Variants in PPIL4 observed in about 807,000 individuals in gnomAD.
PPIL4 encodes peptidyl-prolyl cis-trans isomerase-like 4.
In PPIL4, 50 loss-of-function variants were observed where a neutral mutation model predicts 69.1. The observed-to-expected ratio is 0.72, with a 90% CI of 0.58 to 0.92. The LOEUF (loss-of-function observed/expected upper bound fraction) is 0.92, where lower values mean the gene tolerates loss of function less well. Among genes scored for constraint, PPIL4 ranks in the 40% least tolerant of loss-of-function variants. PPIL4 has a pLI of 0.00. For missense variants in PPIL4, 480 were observed against 587.9 expected, an observed-to-expected ratio of 0.82 and a Z score of 1.90; for synonymous variants, 193 against 191.6, an observed-to-expected ratio of 1.01 and a Z score of -0.06.
At chr6:149,512,511 TTAAAA>T (rs1435055876) in intron 11 of PPIL4, among the ~76,000 whole-genome samples, 1 of 151,978 alleles carries the variant, frequency 6.6e-6, no homozygotes, top group Non-Finnish European at 1.5e-5. Flanking sequence ...CTAAACAATC[TTAAAA>T]TAAAGACTAG....
At chr6:149,545,414 G>T (rs551074825) in intron 1 of PPIL4, among the ~76,000 whole-genome samples, 1 of 152,156 alleles carries the variant, frequency 6.6e-6, no homozygotes, top group African/African-American at 2.4e-5. Flanking sequence ...TCGGGGGCAA[G>T]AAGCCAAGCC....
Position 149,541,355 on chromosome 6 carries a change from A to AAAT in PPIL4, c.203+11_203+12insATT. The AAAT allele has an allele frequency of 8.4e-7, 1 of 1,196,352 alleles. No individual in the cohort carries two copies. Among genetic ancestry groups the AAAT allele is most frequent in the South Asian group, 2.6e-5 (1 of 38,904 alleles). 74.1% of individuals were successfully genotyped at this position (1,196,352 alleles called of 1,614,324 possible). A position where few individuals can be genotyped will look rare whatever the true frequency, so the allele number is the denominator to read the frequency against. On this transcript the variant is annotated intron_variant, in intron 3 of 12. Transcript: ENST00000253329. ...TAAATAAATAAATAAATAAATAAAT[A>AAAT]AAACAACTTACCCAAAGATAGACTC...
intron 5 of PPIL4, 72 bp from the exon 6 acceptor site, chr6:149,534,846 TA>T: frequency 3.4e-6 from 3 of 880,056 alleles, no homozygotes; most frequent in Middle Eastern, 2.9e-4. Flanking sequence ...TTTAATAGAT[TA>T]CAAAAAATTA....
chr6:149,518,920 TAAAGG>T (rs1471580375), intron 10 of PPIL4, among the ~76,000 whole-genome samples: 2 of 152,342 alleles, frequency 1.3e-5, no homozygotes, highest in South Asian at 2.1e-4. Flanking sequence ...CATCAGACTA[TAAAGG>T]AAAGTTCTTA....
chr6:149,511,804 C>T (rs543259959), intron 12 of PPIL4, among the ~76,000 whole-genome samples: 2 of 152,244 alleles, frequency 1.3e-5, no homozygotes, highest in Admixed American at 1.3e-4. Context: ...AAGTGCTATA[C>T]ATAACACTTG....
rs1244778047 is a variant in PPIL4 at position 149,508,404 on chromosome 6, T to C, written c.1228-2700A>G. ...TATACATTTAAAACATAAGACAAGATGATTAAACTACCATGTGGCAAAAAA... is the reference window on the plus strand; with the variant it reads ...TATACATTTAAAACATAAGACAAGACGATTAAACTACCATGTGGCAAAAAA... On this transcript the variant is annotated intron_variant, in intron 12 of 12. Coordinates refer to ENST00000253329, the MANE Select transcript of PPIL4 (RefSeq NM_139126.4). 3.3e-5 allele frequency among the ~76,000 whole-genome samples: 5 copies of C among 152,046 alleles called. No homozygotes were observed. The East Asian group carries it at 9.6e-4, about 29-fold the overall frequency.
In PPIL4 at chr6:149,505,192, AAAAG is replaced by A. The variant is rs1269260067; in HGVS notation, c.*257_*260del. On this transcript the variant is annotated 3_prime_UTR_variant, in exon 13 of 13. Transcript: ENST00000253329. Reference sequence around the variant, plus strand: ...TTGTAGTATGAAATACTTCATTAAAAAAAGAGTGAAAATGTAAGACTTCAAAAAT... The same window carrying A: ...TTGTAGTATGAAATACTTCATTAAAAAGTGAAAATGTAAGACTTCAAAAAT... 2 of 334,722 alleles carry A rather than the reference AAAAG, an allele frequency of 6.0e-6. No individual in the cohort carries two copies. Among genetic ancestry groups the A allele is most frequent in the Admixed American group, 9.1e-5 (2 of 21,976 alleles). 20.7% of individuals were successfully genotyped at this position (334,722 alleles called of 1,614,324 possible).
chr6:149,526,689 G>A lies in PPIL4; in HGVS notation c.766C>T (p.Leu256=). ...CCAAATCTAGAGAATATTATTTCCA[G>A]ATCCTCATCTGTGGTCACTGGGTTC... ...KLNPVTTDED[L]EIIFSRFGPI... Residue 256 remains leucine (L), a synonymous_variant, in exon 8 of 13, where the codon CTG becomes TTG. Coordinates refer to ENST00000253329, the MANE Select transcript of PPIL4 (RefSeq NM_139126.4). 1 of 1,611,388 alleles carries A rather than the reference G, an allele frequency of 6.2e-7. No homozygotes were observed. Among genetic ancestry groups the A allele is most frequent in the Non-Finnish European group, 8.5e-7 (1 of 1,178,028 alleles).
intron 6 of PPIL4, 46 bp from the exon 7 acceptor site, chr6:149,533,620 A>C (rs1777231869): frequency 3.7e-6 from 4 of 1,081,060 alleles, no homozygotes; most frequent in South Asian, 1.4e-5. Flanking sequence ...AGAATAAAAA[A>C]ATCTGAGAAA....
In PPIL4 at chr6:149,512,301, T is replaced by C; in HGVS notation, c.1081A>G (p.Thr361Ala). 6.2e-7 allele frequency: 1 copy of C among 1,608,896 alleles called. No individual in the cohort carries two copies. The highest frequency in any genetic ancestry group is 8.5e-7 in the Non-Finnish European group (1 of 1,176,288). ...TCATCTAATATAAGATCGTATTTTGTACTGCAGTAGTTAGTTAAGGATAAA... is the reference window on the plus strand; with the variant it reads ...TCATCTAATATAAGATCGTATTTTGCACTGCAGTAGTTAGTTAAGGATAAA... ...LKDKVKPKQD[T>A]KYDLILDEQA... The change falls in exon 12 of 13, where the codon ACA (threonine) becomes GCA (alanine). Residue 361 changes from threonine (T) to alanine (A), a missense_variant and splice_region_variant. Physicochemically the swap from Thr to Ala is moderately conservative, Grantham distance 58. Coordinates refer to ENST00000253329, the MANE Select transcript of PPIL4 (RefSeq NM_139126.4).
chr6:149,539,536 C>T (rs1777328127), intron 4 of PPIL4, among the ~76,000 whole-genome samples: 1 of 152,166 alleles, frequency 6.6e-6, no homozygotes, highest in Non-Finnish European at 1.5e-5. Flanking sequence ...TACCACCATG[C>T]TCAGCTAATT....
At chr6:149,511,968 T>G (rs930627768) in intron 12 of PPIL4, among the ~76,000 whole-genome samples, 187 bp downstream of exon 12, 5 of 152,234 alleles carry the variant, frequency 3.3e-5, no homozygotes, top group African/African-American at 9.6e-5. Flanking sequence ...AATGATCTTT[T>G]ATCATTTGTG....
At chr6:149,534,862 AT>A (rs1777251223) in intron 5 of PPIL4, 88 bp from the exon 6 acceptor site, 3 of 783,850 alleles carry the variant, frequency 3.8e-6, no homozygotes, top group Non-Finnish European at 5.9e-6. Flanking sequence ...AAATTACTTG[AT>A]TATCTCTAAG....
At chr6:149,539,958 T>C (rs563384650) in intron 4 of PPIL4, among the ~76,000 whole-genome samples, 2 of 151,944 alleles carry the variant, frequency 1.3e-5, no homozygotes, top group Non-Finnish European at 2.9e-5. Flanking sequence ...GGCAAAACCC[T>C]GTCTCTACGA....
At chr6:149,515,139 ATTT>A (rs60680973) in intron 11 of PPIL4, among the ~76,000 whole-genome samples, 1 of 138,318 alleles carries the variant, frequency 7.2e-6, no homozygotes, top group Admixed American at 7.2e-5. Context: ...CACCCAGCCA[ATTT>A]TTTTTTTTTT....
chr6:149,514,347 A>G (rs1776911176), intron 11 of PPIL4, among the ~76,000 whole-genome samples: 1 of 152,194 alleles, frequency 6.6e-6, no homozygotes, highest in African/African-American at 2.4e-5. Flanking sequence ...CAGAGCACTC[A>G]GTCTTGCTCT....
At chr6:149,540,224 A>G (rs1189144747) in intron 4 of PPIL4, among the ~76,000 whole-genome samples, 1 of 152,244 alleles carries the variant, frequency 6.6e-6, no homozygotes, top group African/African-American at 2.4e-5. Context: ...TACCTACTCT[A>G]ACAAGTAGGT....
At chr6:149,530,133 G>A (rs568390499) in intron 7 of PPIL4, among the ~76,000 whole-genome samples, 3 of 152,208 alleles carry the variant, frequency 2.0e-5, no homozygotes, top group Admixed American at 6.5e-5. Context: ...GAATTCTAAC[G>A]TAAATCATGG....
chr6:149,533,817 T>C (rs888811690), intron 6 of PPIL4, among the ~76,000 whole-genome samples: 6 of 152,252 alleles, frequency 3.9e-5, no homozygotes, highest in Non-Finnish European at 7.4e-5. Context: ...CCTCCAAGAA[T>C]TGATTTATAT....
Sources: gnomAD v4.1 joint callset for allele counts (sites outside exome capture counted in the v4.1 genomes callset) on GRCh38, gnomAD v4.1.1 for gene constraint, MANE v1.5 for transcripts, NCBI Gene and HGNC (gene_info 2026-07-23, HGNC 2026-07-21) for gene names.